The following TOR1AIP1 variants were observed in gnomAD, a reference collection of about 807,000 sequenced individuals.
The protein encoded by TOR1AIP1 is torsin 1A interacting protein 1.
A neutral mutation model predicts 63.3 loss-of-function variants in TOR1AIP1; 54 were observed. That is an observed-to-expected ratio of 0.85 (90% CI 0.69 to 1.07). The LOEUF (loss-of-function observed/expected upper bound fraction) is 1.07. Among genes scored for constraint, TOR1AIP1 ranks in the 50% least tolerant of loss-of-function variants. The probability of loss-of-function intolerance (pLI) is 0.00; values close to 1 mark genes in which losing one functional copy is unlikely to be tolerated. For missense variants in TOR1AIP1, 736 were observed against 715.0 expected, an observed-to-expected ratio of 1.03 and a Z score of -0.33; for synonymous variants, 294 against 273.5, an observed-to-expected ratio of 1.07 and a Z score of -0.74.
chr1:179,910,286 C>T (rs994189177), intron 8 of TOR1AIP1, among the ~76,000 whole-genome samples: 10 of 152,150 alleles, frequency 6.6e-5, no homozygotes, highest in African/African-American at 2.4e-4. Flanking sequence ...GTCTTGAGGT[C>T]ATCAGGTATT....
chr1:179,918,161 TG>T lies in TOR1AIP1; in HGVS notation c.1676del (p.Gly559AlafsTer9). On this transcript the variant is annotated frameshift_variant, in exon 10 of 10. Coordinates refer to ENST00000606911, the MANE Select transcript of TOR1AIP1 (RefSeq NM_015602.4). LOFTEE classifies it high-confidence loss of function. ...ATCATATGGACCCAGACAAACTGAATGGCCTCTGGAGCCGTATTTCTCACTT... is the reference window on the plus strand; with the variant it reads ...ATCATATGGACCCAGACAAACTGAATGCCTCTGGAGCCGTATTTCTCACTT... The part of the protein sequence containing the change: ...YNHMDPDKLN[G>X]LWSRISHLVL... 6.2e-7 allele frequency: 1 copy of T among 1,613,142 alleles called. No individual in the cohort carries two copies.
intron 3 of TOR1AIP1, among the ~76,000 whole-genome samples, chr1:179,893,364 A>G (rs1385524683): frequency 6.6e-6 from 1 of 152,130 alleles, no homozygotes; most frequent in Non-Finnish European, 1.5e-5. Flanking sequence ...TACTAGTGAT[A>G]CCACCAGACT....
At chr1:179,906,743 C>CCCTT (rs1491104735) in intron 6 of TOR1AIP1, among the ~76,000 whole-genome samples, 83 of 39,838 alleles carry the variant, frequency 2.1e-3, no homozygotes, top group Non-Finnish European at 2.1e-3. Context: ...CCCCCCCCCC[C>CCCTT]TTTTTTTTTT....
chr1:179,891,548 TTTTATTTTTATTTATTTA>T (rs140752424), intron 3 of TOR1AIP1, among the ~76,000 whole-genome samples: 82,453 of 150,606 alleles, frequency 0.55, 23,974 homozygotes, highest in East Asian at 0.75. Context: ...TATTTTTATT[TTTTATTTTTATTTATTTA>T]TTTATTTTTA....
At chr1:179,895,729 G>A (rs1208305224) in intron 3 of TOR1AIP1, among the ~76,000 whole-genome samples, 1 of 151,870 alleles carries the variant, frequency 6.6e-6, no homozygotes, top group African/African-American at 2.4e-5. Flanking sequence ...GCGAAACCCC[G>A]TCTCTACTAA....
chr1:179,907,595 A>G (rs61826289), intron 6 of TOR1AIP1, among the ~76,000 whole-genome samples: 1 of 9,328 alleles, frequency 1.1e-4, no homozygotes, highest in East Asian at 4.3e-3. Flanking sequence ...CACACACTTT[A>G]TATATATATA....
Position 179,918,290 on chromosome 1 carries a change from C to A in TOR1AIP1, c.*51C>A. ...TCCCAAGTTCTGAGAATTGTTCACACTTTCTAACCAGAGACAGAATTCAGA... is the reference window on the plus strand; with the variant it reads ...TCCCAAGTTCTGAGAATTGTTCACAATTTCTAACCAGAGACAGAATTCAGA... On this transcript the variant is annotated 3_prime_UTR_variant, in exon 10 of 10. Transcript: ENST00000606911. 6.7e-7 allele frequency: 1 copy of A among 1,502,350 alleles called. No homozygotes were observed. The highest frequency in any genetic ancestry group is 8.9e-7 in the Non-Finnish European group (1 of 1,128,972). The allele number at this position is 1,502,350 out of a possible 1,614,324, so 93.1% of individuals were successfully genotyped here.
chr1:179,904,293 G>A (rs1411789017), intron 6 of TOR1AIP1, among the ~76,000 whole-genome samples: 3 of 152,148 alleles, frequency 2.0e-5, no homozygotes, highest in African/African-American at 7.2e-5. Context: ...GTATAAATGG[G>A]TTGATTGCTT....
At chr1:179,909,677 C>T (rs1648770093) in intron 8 of TOR1AIP1, among the ~76,000 whole-genome samples, 1 of 152,188 alleles carries the variant, frequency 6.6e-6, no homozygotes, top group Non-Finnish European at 1.5e-5. Flanking sequence ...ACCTCATGAT[C>T]TGCCTGCCTT....
intron 3 of TOR1AIP1, among the ~76,000 whole-genome samples, chr1:179,891,424 A>G (rs1393046395): frequency 6.6e-6 from 1 of 151,812 alleles, no homozygotes; most frequent in Non-Finnish European, 1.5e-5. Context: ...GGGTTTCACC[A>G]TGTTGGCCAG....
chr1:179,883,746 A>C (rs1263344145), intron 1 of TOR1AIP1: 3 of 454,872 alleles, frequency 6.6e-6, no homozygotes, highest in African/African-American at 6.0e-5. Context: ...AATGGACAAA[A>C]GGGATGCTGA....
chr1:179,915,857 A>G (rs1287516967), intron 9 of TOR1AIP1, among the ~76,000 whole-genome samples: 9 of 152,230 alleles, frequency 5.9e-5, no homozygotes, highest in Admixed American at 5.9e-4. Context: ...TTGAAAGCAA[A>G]TATCTGCCAA....
intron 8 of TOR1AIP1, 130 bp from the exon 9 acceptor site, chr1:179,913,865 TTTC>T (rs1648911294): frequency 1.2e-6 from 1 of 809,004 alleles, no homozygotes; most frequent in African/African-American, 1.7e-5. Flanking sequence ...TATTCTACTT[TTTC>T]TTCTGCTTCT....
intron 8 of TOR1AIP1, 93 bp downstream of exon 8, chr1:179,908,766 G>T: frequency 9.1e-7 from 1 of 1,102,262 alleles, no homozygotes; most frequent in Non-Finnish European, 1.3e-6. Flanking sequence ...AAACATTTAG[G>T]TTGTTTGTGA....
intron 3 of TOR1AIP1, among the ~76,000 whole-genome samples, chr1:179,893,731 C>T (rs1205822031): frequency 6.6e-6 from 1 of 152,142 alleles, no homozygotes; most frequent in Non-Finnish European, 1.5e-5. Context: ...CATGAGCCAC[C>T]ATGCCCAGCA....
intron 8 of TOR1AIP1, among the ~76,000 whole-genome samples, chr1:179,908,918 C>G (rs976592501): frequency 1.3e-5 from 2 of 152,182 alleles, no homozygotes; most frequent in Admixed American, 6.5e-5. Flanking sequence ...GTAATCCCAG[C>G]ACTTTGGGAG....
chr1:179,892,022 T>G (rs749688181), intron 3 of TOR1AIP1, among the ~76,000 whole-genome samples: 3 of 152,232 alleles, frequency 2.0e-5, no homozygotes, highest in African/African-American at 7.2e-5. Flanking sequence ...TGAATCTACA[T>G]TGAATGTTGT....
intron 9 of TOR1AIP1, among the ~76,000 whole-genome samples, chr1:179,915,178 A>G (rs1237278650): frequency 6.6e-6 from 1 of 152,224 alleles, no homozygotes; most frequent in African/African-American, 2.4e-5. Flanking sequence ...TAGCCTCTTC[A>G]GATAATTGTG....
At chr1:179,901,257 A>G in intron 4 of TOR1AIP1, 45 bp from the exon 5 acceptor site, 1 of 1,282,870 alleles carries the variant, frequency 7.8e-7, no homozygotes. Context: ...AGATCTTCTG[A>G]GCATTAAAAT....
Sources: gnomAD v4.1 joint callset for allele counts (sites outside exome capture counted in the v4.1 genomes callset) on GRCh38, gnomAD v4.1.1 for gene constraint, MANE v1.5 for transcripts, NCBI Gene and HGNC (gene_info 2026-07-23, HGNC 2026-07-21) for gene names.